ZBTB4: variants seen among roughly 807,000 people sequenced by gnomAD.
ZBTB4 encodes zinc finger and BTB domain containing 4.
Under a neutral mutation model 59.8 loss-of-function variants are expected in ZBTB4, and 14 were observed. The ratio of observed to expected loss-of-function variants is 0.23; its 90% CI spans 0.15 to 0.37. ZBTB4 has a LOEUF of 0.37. Ranked by LOEUF, ZBTB4 falls within the 10% of genes least tolerant of loss-of-function variation. The pLI is 1.00. For synonymous variants in ZBTB4, 587 were observed against 575.2 expected, an observed-to-expected ratio of 1.02 and a Z score of -0.29; for missense variants, 1,198 against 1,380.8, an observed-to-expected ratio of 0.87 and a Z score of 2.10.
chr17:7,461,889 G>A lies in ZBTB4; in HGVS notation c.*51C>T. The A allele has an allele frequency of 1.4e-6, 2 of 1,466,714 alleles. No homozygotes were observed. The highest frequency in any genetic ancestry group is 1.4e-5 in the South Asian group (1 of 73,238). The allele number at this position is 1,466,714 out of a possible 1,614,324, so 90.9% of individuals were successfully genotyped here. A position where few individuals can be genotyped will look rare whatever the true frequency, so the allele number is the denominator to read the frequency against. The stretch of plus-strand genomic sequence containing the variant: ...GGAGGCCAGGGAGCTGGTAGTGGTG[G>A]GGGGTTCAGGGAGGGTGGCATCTGG... On this transcript the variant is annotated 3_prime_UTR_variant, in exon 4 of 4. Transcript: ENST00000380599.
Position 7,461,626 on chromosome 17 carries a change from T to G in ZBTB4, c.*314A>C, listed in dbSNP as rs2070021650. On this transcript the variant is annotated 3_prime_UTR_variant, in exon 4 of 4. Coordinates refer to ENST00000380599, the MANE Select transcript of ZBTB4 (RefSeq NM_001128833.2). ...TTAGACATTCAGAGCTGGTGGGGGCTGTGAGTAGAGATTCAGGTTAAGTAT... is the reference window on the plus strand; with the variant it reads ...TTAGACATTCAGAGCTGGTGGGGGCGGTGAGTAGAGATTCAGGTTAAGTAT... The G allele has an allele frequency of 3.8e-6, 1 of 261,312 alleles. No individual in the cohort carries two copies. Among genetic ancestry groups the G allele is most frequent in the East Asian group, 7.6e-5 (1 of 13,144 alleles). 16.2% of individuals were successfully genotyped at this position (261,312 alleles called of 1,614,324 possible). A position where few individuals can be genotyped will look rare whatever the true frequency, so the allele number is the denominator to read the frequency against.
chr17:7,467,117 C>A, intron 2 of ZBTB4, 140 bp downstream of exon 2: 18 of 1,155,726 alleles, frequency 1.6e-5, no homozygotes, highest in Non-Finnish European at 1.9e-5. Context: ...AAATCTCTCT[C>A]ATGGGAAGGA....
Position 7,479,449 on chromosome 17 carries a change from G to C in ZBTB4, c.-81+7C>G, listed in dbSNP as rs2070314560. 1 of 154,448 alleles carries C rather than the reference G, an allele frequency of 6.5e-6. No individual in the cohort carries two copies. Among genetic ancestry groups the C allele is most frequent in the Non-Finnish European group, 1.4e-5 (1 of 69,510 alleles). The allele number at this position is 154,448 out of a possible 1,614,324, so 9.6% of individuals were successfully genotyped here. On this transcript the variant is annotated splice_region_variant and intron_variant, in intron 1 of 3. Transcript: ENST00000380599. ...CCTGGCCCTGCCCAGTTCGCCCCAGGGCCCACCTGACTGCGATGGCGCCGC... is the reference window on the plus strand; with the variant it reads ...CCTGGCCCTGCCCAGTTCGCCCCAGCGCCCACCTGACTGCGATGGCGCCGC...
In ZBTB4 at chr17:7,463,489, C is replaced by T; in HGVS notation, c.1493G>A (p.Ser498Asn). The change falls in exon 4 of 4, where the codon AGC (serine) becomes AAC (asparagine). Residue 498 changes from serine (S) to asparagine (N), a missense_variant. Ser to Asn is a conservative substitution (Grantham distance 46). Coordinates refer to ENST00000380599, the MANE Select transcript of ZBTB4 (RefSeq NM_001128833.2). ...SSGGGGSGTASTGGSQAASVI... is the reference protein window; with the variant it reads ...SSGGGGSGTANTGGSQAASVI... ...CGAGGCAGCTTGGGACCCTCCTGTGCTGGCCGTCCCACTCCCCCCTCCACC... is the reference window on the plus strand; with the variant it reads ...CGAGGCAGCTTGGGACCCTCCTGTGTTGGCCGTCCCACTCCCCCCTCCACC... The T allele has an allele frequency of 6.5e-7, 1 of 1,544,094 alleles. No individual in the cohort carries two copies. The highest frequency in any genetic ancestry group is 1.4e-5 in the African/African-American group (1 of 73,248).
chr17:7,465,205 T>A lies in ZBTB4; in HGVS notation c.1091+506A>T, dbSNP rs2070100797. On this transcript the variant is annotated intron_variant, in intron 3 of 3. Coordinates refer to ENST00000380599, the MANE Select transcript of ZBTB4 (RefSeq NM_001128833.2). ...CAGGTGTGGTGGCTCACGCCTGTAA[T>A]CCCAGCACTTTGGGAGGCCAAGGCG... 2.8e-5 allele frequency among the ~76,000 whole-genome samples: 4 copies of A among 145,226 alleles called. No individual in the cohort carries two copies. The South Asian group carries it at 8.7e-4, about 32-fold the overall frequency.
chr17:7,459,590 A>T lies in ZBTB4; in HGVS notation c.*2350T>A, dbSNP rs985584218. 1 of 152,220 alleles carries T rather than the reference A, an allele frequency of 6.6e-6. No individual in the cohort carries two copies. The highest frequency in any genetic ancestry group is 2.4e-5 in the African/African-American group (1 of 41,430). 9.4% of individuals were successfully genotyped at this position (152,220 alleles called of 1,614,324 possible). A position where few individuals can be genotyped will look rare whatever the true frequency, so the allele number is the denominator to read the frequency against. On this transcript the variant is annotated 3_prime_UTR_variant, in exon 4 of 4. Transcript: ENST00000380599. The stretch of plus-strand genomic sequence containing the variant: ...GGGAACATGGGGAAAGAGGGCACGA[A>T]CTGACAAGACTTGATCATTTTCAAA...
chr17:7,465,243 G>C (rs2070101572), intron 3 of ZBTB4, among the ~76,000 whole-genome samples: 1 of 151,520 alleles, frequency 6.6e-6, no homozygotes, highest in South Asian at 2.1e-4. Context: ...CAGATCACGA[G>C]GTCAGGAGTT....
chr17:7,462,650 C>T lies in ZBTB4; in HGVS notation c.2332G>A (p.Ala778Thr). 2 of 1,607,932 alleles carry T rather than the reference C, an allele frequency of 1.2e-6. No individual in the cohort carries two copies. The highest frequency in any genetic ancestry group is 8.5e-7 in the Non-Finnish European group (1 of 1,178,272). ...CTCTGCCCGTGGCGGCTCAGGGCAG[C>T]TGCGGTCTTGCACACCTTGGCGCAG... ...PHCAKVCKTA[A>T]ALSRHGQRHA... Residue 778 changes from alanine (A) to threonine (T), a missense_variant, in exon 4 of 4, where the codon GCT becomes ACT. By Grantham distance (58) the Ala-to-Thr change is moderately conservative. This residue lies in a region of ZBTB4 where 550 missense variants were observed against 541.8 expected (regional missense o/e 1.02). Transcript: ENST00000380599. This position sits in a 1 kb window ranked among gnomAD's most constrained non-coding sequence, Gnocchi z 7.5.
At chr17:7,475,147 G>A (rs2150863920) in intron 1 of ZBTB4, among the ~76,000 whole-genome samples, 1 of 151,728 alleles carries the variant, frequency 6.6e-6, no homozygotes, top group South Asian at 2.1e-4. Context: ...GGTGAGACCA[G>A]CCTGGCCAAC....
At chr17:7,470,859 T>A (rs2070188709) in intron 1 of ZBTB4, among the ~76,000 whole-genome samples, 1 of 152,314 alleles carries the variant, frequency 6.6e-6, no homozygotes, top group South Asian at 2.1e-4. Context: ...AGGACGTGTT[T>A]ATGGCACCCA....
At chr17:7,470,164 G>C (rs1057093753) in intron 1 of ZBTB4, among the ~76,000 whole-genome samples, 3 of 152,144 alleles carry the variant, frequency 2.0e-5, no homozygotes, top group African/African-American at 7.2e-5. Context: ...TTGGAAGGCT[G>C]AGGCAGGTGG....
upstream of ZBTB4, chr17:7,481,524 G>A (rs200434184): frequency 1.2e-5 from 19 of 1,559,918 alleles, 1 homozygote; most frequent in Admixed American, 3.7e-4. Context: ...AAGATGGTGA[G>A]TGTGGGGGCC....
Position 7,461,625 on chromosome 17 carries a change from C to A in ZBTB4, c.*315G>T. 3.8e-6 allele frequency: 1 copy of A among 259,778 alleles called. No homozygotes were observed. Among genetic ancestry groups the A allele is most frequent in the Non-Finnish European group, 7.3e-6 (1 of 136,938 alleles). The allele number at this position is 259,778 out of a possible 1,614,324, so 16.1% of individuals were successfully genotyped here. A position where few individuals can be genotyped will look rare whatever the true frequency, so the allele number is the denominator to read the frequency against. On this transcript the variant is annotated 3_prime_UTR_variant, in exon 4 of 4. Coordinates refer to ENST00000380599, the MANE Select transcript of ZBTB4 (RefSeq NM_001128833.2). ...GTTAGACATTCAGAGCTGGTGGGGG[C>A]TGTGAGTAGAGATTCAGGTTAAGTA...
chr17:7,482,413 C>T (rs531131813), upstream of ZBTB4: 21 of 1,614,018 alleles, frequency 1.3e-5, no homozygotes, highest in African/African-American at 4.0e-5. Flanking sequence ...TCTGCTCCGC[C>T]GTCCTCACCC....
At chr17:7,476,668 C>T (rs1182381303) in intron 1 of ZBTB4, among the ~76,000 whole-genome samples, 1 of 152,184 alleles carries the variant, frequency 6.6e-6, no homozygotes. Flanking sequence ...CCCTGATCCA[C>T]AGGATGAGAA....
At chr17:7,481,706 C>T (rs981115677), upstream of ZBTB4, among the ~76,000 whole-genome samples, 1 of 152,196 alleles carries the variant, frequency 6.6e-6, no homozygotes, top group African/African-American at 2.4e-5. Context: ...CCTCCCCTTC[C>T]TCAATCCGAG....
chr17:7,474,553 G>A (rs1049980464), intron 1 of ZBTB4, among the ~76,000 whole-genome samples: 7 of 152,056 alleles, frequency 4.6e-5, no homozygotes, highest in Admixed American at 1.3e-4. Context: ...GTTCATTGCC[G>A]TATCTGAAGT....
In ZBTB4 at chr17:7,469,870, T is replaced by A. The variant is rs980677561; in HGVS notation, c.-80-2543A>T. ...AGGCAGAGGCGGGTGGATCGCGAGG[T>A]CAAGAGATTGAGACCATCCTGAAAA... On this transcript the variant is annotated intron_variant, in intron 1 of 3. Transcript: ENST00000380599. Among the ~76,000 whole-genome samples, 5 of 149,668 alleles carry A rather than the reference T, an allele frequency of 3.3e-5. No individual in the cohort carries two copies. The South Asian group carries it at 1.1e-3, about 32-fold the overall frequency.
chr17:7,462,692 G>T lies in ZBTB4; in HGVS notation c.2290C>A (p.Arg764Ser). The change falls in exon 4 of 4, where the codon CGC becomes AGC. Residue 764 changes from arginine to serine, a missense_variant. By Grantham distance (110) the Arg-to-Ser change is moderately radical. Coordinates refer to ENST00000380599, the MANE Select transcript of ZBTB4 (RefSeq NM_001128833.2). The surrounding 1 kb of genome is among the most constrained non-coding windows in gnomAD (Gnocchi z 7.5). ...TTGGCGCAGTGGGGGCAGGTAAAGC[G>T]GGTGGAGGGCCTCCGTCCGGCCCGG... ...SSRAGRRPST[R>S]FTCPHCAKVC... 6.2e-7 allele frequency: 1 copy of T among 1,606,006 alleles called. No homozygotes were observed. Among genetic ancestry groups the T allele is most frequent in the South Asian group, 1.1e-5 (1 of 91,012 alleles).
Sources: allele counts gnomAD v4.1 joint callset (sites outside exome capture counted in the v4.1 genomes callset), GRCh38; gene constraint gnomAD v4.1.1; regional missense constraint gnomAD v4.1.1; non-coding constraint Gnocchi (gnomAD v3.1); transcripts MANE v1.5; gene names NCBI Gene and HGNC (gene_info 2026-07-23, HGNC 2026-07-21).